The following IRAK3 variants were observed in gnomAD, a reference collection of about 807,000 sequenced individuals.
The protein encoded by IRAK3 is interleukin 1 receptor associated kinase 3, also known as interleukin-1 receptor-associated kinase 3.
IRAK3 carries 57 observed loss-of-function variants against 56.6 expected under a neutral mutation model. That is an observed-to-expected ratio of 1.01 (90% CI 0.81 to 1.26). The LOEUF is 1.26. Among genes scored for constraint, IRAK3 ranks in the 50% most tolerant of loss-of-function variants. The probability of loss-of-function intolerance (pLI) is 0.00; values close to 1 mark genes in which losing one functional copy is unlikely to be tolerated. For missense variants in IRAK3, 703 were observed against 719.0 expected, an observed-to-expected ratio of 0.98 and a Z score of 0.25; for synonymous variants, 258 against 255.7, an observed-to-expected ratio of 1.01 and a Z score of -0.09.
At chr12:66,205,591 A>G (rs1259868307) in intron 2 of IRAK3, among the ~76,000 whole-genome samples, 1 of 152,248 alleles carries the variant, frequency 6.6e-6, no homozygotes, top group Non-Finnish European at 1.5e-5. Context: ...ATAGCTACTC[A>G]TTAAATTAGG....
chr12:66,248,341 TCAAA>T lies in IRAK3; in HGVS notation c.*173_*176del, dbSNP rs1384751667. ...ATTCCATTTCTTTTTTCCCAAACCC[TCAAA>T]CAGAGTGCCTTAAAAAATTGTTTTA... On this transcript the variant is annotated 3_prime_UTR_variant, in exon 12 of 12. Transcript: ENST00000261233. 10 of 558,310 alleles carry T rather than the reference TCAAA, an allele frequency of 1.8e-5. No homozygotes were observed. Among genetic ancestry groups the T allele is most frequent in the Non-Finnish European group, 2.8e-5 (9 of 315,946 alleles). The allele number at this position is 558,310 out of a possible 1,614,324, so 34.6% of individuals were successfully genotyped here. A position where few individuals can be genotyped will look rare whatever the true frequency, so the allele number is the denominator to read the frequency against.
intron 5 of IRAK3, among the ~76,000 whole-genome samples, chr12:66,213,311 T>C (rs1368692142): frequency 1.3e-5 from 2 of 152,082 alleles, no homozygotes; most frequent in Non-Finnish European, 2.9e-5. Flanking sequence ...CACGTGGGAA[T>C]TGTGGGAGCT....
intron 8 of IRAK3, among the ~76,000 whole-genome samples, chr12:66,241,686 G>A (rs2052971597): frequency 1.3e-5 from 2 of 152,222 alleles, no homozygotes; most frequent in African/African-American, 4.8e-5. Context: ...AAAGTCAGCT[G>A]AAAAACGACT....
In IRAK3 at chr12:66,254,203, A is replaced by G. The variant is rs554945381; in HGVS notation, c.*6032A>G. ...TTAGGAATTTATCCTAATGAATAAAAGTTGTCCAAGTCTTCAAACATGAGC... is the reference window on the plus strand; with the variant it reads ...TTAGGAATTTATCCTAATGAATAAAGGTTGTCCAAGTCTTCAAACATGAGC... On this transcript the variant is annotated 3_prime_UTR_variant, in exon 12 of 12. Coordinates refer to ENST00000261233, the MANE Select transcript of IRAK3 (RefSeq NM_007199.3). The G allele has an allele frequency of 5.3e-5, 8 of 152,300 alleles. No individual in the cohort carries two copies. The South Asian group carries it at 1.7e-3, about 32-fold the overall frequency. 9.4% of individuals were successfully genotyped at this position (152,300 alleles called of 1,614,324 possible).
Position 66,235,098 on chromosome 12 carries a change from T to C in IRAK3, c.887+6728T>C, listed in dbSNP as rs544418668. The C allele has an allele frequency of 9.9e-6, 16 of 1,613,582 alleles. No individual in the cohort carries two copies. The East Asian group carries it at 3.3e-4, about 34-fold the overall frequency. On this transcript the variant is annotated intron_variant, in intron 8 of 11. Coordinates refer to ENST00000261233, the MANE Select transcript of IRAK3 (RefSeq NM_007199.3). ...GTGGTGTGGGGAGGCAGTCCTCGGATATAGAGGTTCGTTTTGCTGAGCTGA... is the reference window on the plus strand; with the variant it reads ...GTGGTGTGGGGAGGCAGTCCTCGGACATAGAGGTTCGTTTTGCTGAGCTGA...
chr12:66,246,061 A>G (rs1384230874), intron 11 of IRAK3, among the ~76,000 whole-genome samples: 1 of 65,968 alleles, frequency 1.5e-5, no homozygotes, highest in East Asian at 2.9e-4. Context: ...ATGTTGGTCC[A>G]GCAAGAGAAA....
At chr12:66,236,789 G>GTATTC (rs2052913064) in intron 8 of IRAK3, among the ~76,000 whole-genome samples, 5 of 152,120 alleles carry the variant, frequency 3.3e-5, no homozygotes, top group Non-Finnish European at 7.4e-5. Context: ...ACAGGAGAAC[G>GTATTC]TGACCCTGTA....
At chr12:66,190,712 C>T (rs530449816) in intron 1 of IRAK3, among the ~76,000 whole-genome samples, 4 of 152,300 alleles carry the variant, frequency 2.6e-5, no homozygotes, top group African/African-American at 9.6e-5. Context: ...CTCTGTGAGT[C>T]ATTATCATCG....
At chr12:66,215,785 T>TGCAAGTGCACGTGCGCGCGCGCGCGCGC (rs1555203474) in intron 5 of IRAK3, among the ~76,000 whole-genome samples, 82 of 31,198 alleles carry the variant, frequency 2.6e-3, no homozygotes, top group African/African-American at 9.1e-3. Flanking sequence ...TAACCCAACA[T>TGCAAGTGCACGTGCGCGCGCGCGCGCGC]GCACACACAC....
At chr12:66,243,188 ACT>A (rs1435329552) in intron 8 of IRAK3, among the ~76,000 whole-genome samples, 2 of 152,128 alleles carry the variant, frequency 1.3e-5, no homozygotes, top group Non-Finnish European at 2.9e-5. Context: ...TTTCCCCCAA[ACT>A]CTCTAAATAG....
rs199885936 is a variant in IRAK3 at position 66,228,254 on chromosome 12, T to C, written c.771T>C (p.Gly257=). Residue 257 remains glycine, a splice_region_variant and synonymous_variant, in exon 8 of 12, where the codon GGT becomes GGC. Coordinates refer to ENST00000261233, the MANE Select transcript of IRAK3 (RefSeq NM_007199.3). Reference sequence around the variant, plus strand: ...ACCAATTGCTGTTGTTGTTTTAGGGTGACACGGCCCCACTCCCTTGGCACA... The same window carrying C: ...ACCAATTGCTGTTGTTGTTTTAGGGCGACACGGCCCCACTCCCTTGGCACA... ...GTLFDRLQCV[G]DTAPLPWHIR... is the part of the protein sequence containing the mutation. 6.2e-7 allele frequency: 1 copy of C among 1,612,462 alleles called. No individual in the cohort carries two copies. Among genetic ancestry groups the C allele is most frequent in the Non-Finnish European group, 8.5e-7 (1 of 1,178,448 alleles).
At chr12:66,198,749 CTTTT>C (rs377740348) in intron 1 of IRAK3, among the ~76,000 whole-genome samples, 1 of 139,638 alleles carries the variant, frequency 7.2e-6, no homozygotes, top group African/African-American at 2.6e-5. Context: ...TTTCCTTCTC[CTTTT>C]TTTTTTTTTT....
At position 66,217,151 on chromosome 12, in the gene IRAK3, T is replaced by C. The variant is rs1424592355; in HGVS notation, c.589-20T>C. 6.4e-7 allele frequency: 1 copy of C among 1,558,852 alleles called. No homozygotes were observed. Among genetic ancestry groups the C allele is most frequent in the Admixed American group, 1.7e-5 (1 of 59,958 alleles). ...ACAGATCCTTTCCTTAATTTTGTTC[T>C]TGTCTTTCTGTATATGTAGGAGAAA... is the stretch of plus-strand genomic sequence containing the variant. On this transcript the variant is annotated intron_variant, in intron 5 of 11. Coordinates refer to ENST00000261233, the MANE Select transcript of IRAK3 (RefSeq NM_007199.3).
At chr12:66,235,278 G>A in intron 8 of IRAK3, 1 of 1,520,438 alleles carries the variant, frequency 6.6e-7, no homozygotes, top group Admixed American at 2.1e-5. Context: ...CTGCTGCTGG[G>A]GAAGATCATC....
At chr12:66,236,137 C>G (rs1451539791) in intron 8 of IRAK3, among the ~76,000 whole-genome samples, 1 of 152,084 alleles carries the variant, frequency 6.6e-6, no homozygotes, top group African/African-American at 2.4e-5. Context: ...ATTCAGCAGC[C>G]TGGTGCCCAA....
intron 6 of IRAK3, among the ~76,000 whole-genome samples, chr12:66,221,072 C>G (rs557607298): frequency 2.6e-5 from 4 of 152,150 alleles, no homozygotes; most frequent in Non-Finnish European, 5.9e-5. Flanking sequence ...TGTTAACGCA[C>G]AAAATTTTCA....
At chr12:66,214,283 G>A (rs1301420466) in intron 5 of IRAK3, among the ~76,000 whole-genome samples, 8 of 151,982 alleles carry the variant, frequency 5.3e-5, no homozygotes, top group South Asian at 2.1e-4. Flanking sequence ...CAGCACTTTG[G>A]GAGGCTGAGG....
intron 8 of IRAK3, among the ~76,000 whole-genome samples, chr12:66,240,091 G>A (rs1028002183): frequency 3.9e-5 from 6 of 152,154 alleles, no homozygotes; most frequent in African/African-American, 1.2e-4. Context: ...GGATTTTAAG[G>A]TAAGGTAATG....
intron 5 of IRAK3, among the ~76,000 whole-genome samples, chr12:66,212,120 A>AT (rs2136925595): frequency 6.6e-6 from 1 of 151,758 alleles, no homozygotes; most frequent in Non-Finnish European, 1.5e-5. Context: ...CAAAAAAAAA[A>AT]AAAAAGACTT....
Sources: allele counts gnomAD v4.1 joint callset (sites outside exome capture counted in the v4.1 genomes callset), GRCh38; gene constraint gnomAD v4.1.1; transcripts MANE v1.5; gene names NCBI Gene and HGNC (gene_info 2026-07-23, HGNC 2026-07-21).